ADCY5: variants seen among roughly 807,000 people sequenced by gnomAD.
The protein encoded by ADCY5 is adenylate cyclase 5, also known as adenylate cyclase type 5.
Under a neutral mutation model 119.7 loss-of-function variants are expected in ADCY5, and 30 were observed. The ratio of observed to expected loss-of-function variants is 0.25; its 90% CI spans 0.19 to 0.34. The LOEUF is 0.34. ADCY5 is among the 10% of genes least tolerant of loss of function. The probability of loss-of-function intolerance (pLI) is 1.00; values close to 1 mark genes in which losing one functional copy is unlikely to be tolerated. For missense variants in ADCY5, 1,324 were observed against 1,775.2 expected (o/e 0.75, Z 4.57); for synonymous variants, 753 against 762.2 (o/e 0.99, Z 0.20).
At chr3:123,444,052 C>T (rs909757579) in intron 1 of ADCY5, among the ~76,000 whole-genome samples, 4 of 152,142 alleles carry the variant, frequency 2.6e-5, no homozygotes, top group Admixed American at 1.3e-4. Context: ...TGTGTGAGTG[C>T]GTGCAGAAGC....
At position 123,352,351 on chromosome 3, in the gene ADCY5, C is replaced by T. The variant is rs1486601932; in HGVS notation, c.1284+81G>A. On this transcript the variant is annotated intron_variant, in intron 2 of 20. Coordinates refer to ENST00000462833, the MANE Select transcript of ADCY5 (RefSeq NM_183357.3). This position sits in a 1 kb window ranked among gnomAD's most constrained non-coding sequence, Gnocchi z 4.8. ...GCTGGCAGCCGTAATAAGCACTGCC[C>T]GCCCTAGGCCAGGCACTCAGCTGAG... 41 of 1,474,808 alleles carry T rather than the reference C, an allele frequency of 2.8e-5. No homozygotes were observed. The highest frequency in any genetic ancestry group is 8.1e-5 in the Admixed American group (4 of 49,658). 91.4% of individuals were successfully genotyped at this position (1,474,808 alleles called of 1,614,324 possible). A position where few individuals can be genotyped will look rare whatever the true frequency, so the allele number is the denominator to read the frequency against.
intron 17 of ADCY5, 96 bp from the exon 18 acceptor site, chr3:123,291,472 C>T (rs1939145607): frequency 6.8e-7 from 1 of 1,472,114 alleles, no homozygotes; most frequent in Non-Finnish European, 9.2e-7. Context: ...GAAAAAGCAC[C>T]AGTCACGCAA....
rs1022810122 is a variant in ADCY5, at chr3:123,448,619, C to G, written c.-74G>C. 4 of 1,243,584 alleles carry G rather than the reference C, an allele frequency of 3.2e-6. No individual in the cohort carries two copies. The highest frequency in any genetic ancestry group is 4.0e-6 in the Non-Finnish European group (4 of 990,760). The allele number at this position is 1,243,584 out of a possible 1,614,324, so 77.0% of individuals were successfully genotyped here. The stretch of plus-strand genomic sequence containing the variant: ...CGGGGGTCTCCAAGGGGAGGGCGGA[C>G]GGCCGAGCAGGGGGACCAGGCTAGG... On this transcript the variant is annotated 5_prime_UTR_variant, in exon 1 of 21. Transcript: ENST00000462833.
intron 14 of ADCY5, 74 bp downstream of exon 14, chr3:123,302,981 G>T: frequency 6.5e-7 from 1 of 1,544,820 alleles, no homozygotes; most frequent in South Asian, 1.2e-5. Context: ...AGACTGTCCT[G>T]AGCAGCTGCA....
chr3:123,377,513 C>G (rs1427600523), intron 1 of ADCY5, among the ~76,000 whole-genome samples: 1 of 152,262 alleles, frequency 6.6e-6, no homozygotes, highest in East Asian at 1.9e-4. Flanking sequence ...ACACCTCCCT[C>G]CCTCTGAGTG....
intron 3 of ADCY5, among the ~76,000 whole-genome samples, chr3:123,334,098 C>T (rs541861670): frequency 5.3e-5 from 8 of 151,998 alleles, no homozygotes; most frequent in African/African-American, 1.9e-4. Flanking sequence ...CTGTAAGGGC[C>T]CCTGAATTTA....
chr3:123,370,756 G>A (rs1559843366), intron 1 of ADCY5, among the ~76,000 whole-genome samples: 1 of 152,132 alleles, frequency 6.6e-6, no homozygotes, highest in African/African-American at 2.4e-5. Flanking sequence ...AAACAGCAGA[G>A]GTTTCTAGGT....
chr3:123,430,802 T>G (rs1457223425), intron 1 of ADCY5, among the ~76,000 whole-genome samples: 5 of 152,138 alleles, frequency 3.3e-5, no homozygotes, highest in Non-Finnish European at 5.9e-5. Flanking sequence ...CTTGCCAACC[T>G]TTTCAGTCCT....
At chr3:123,403,267 C>G (rs1944821196) in intron 1 of ADCY5, among the ~76,000 whole-genome samples, 1 of 151,806 alleles carries the variant, frequency 6.6e-6, no homozygotes, top group South Asian at 2.1e-4. Flanking sequence ...GTGGTCTCAG[C>G]TACCTAGGAG....
intron 19 of ADCY5, among the ~76,000 whole-genome samples, chr3:123,287,673 C>T (rs1252040681): frequency 1.3e-5 from 2 of 152,194 alleles, no homozygotes; most frequent in African/African-American, 2.4e-5. Flanking sequence ...CACGACCCTC[C>T]TCATCAGTCC....
At chr3:123,322,098 G>C (rs937314596) in intron 8 of ADCY5, among the ~76,000 whole-genome samples, 2 of 152,188 alleles carry the variant, frequency 1.3e-5, no homozygotes, top group African/African-American at 2.4e-5. Flanking sequence ...TCTCCCTCTG[G>C]GGGGCAGGCC....
Position 123,447,606 on chromosome 3 carries a change from C to A in ADCY5, c.940G>T (p.Val314Leu). Residue 314 changes from valine to leucine, a missense_variant, in exon 1 of 21, where the codon GTG (valine) becomes TTG (leucine). Physicochemically the swap from Val to Leu is conservative, Grantham distance 32 (BLOSUM62 1). This residue lies in a region of ADCY5 where 585 missense variants were observed against 569.9 expected (regional missense o/e 1.03). Transcript: ENST00000462833. The part of the protein sequence containing the change: ...ALIAVVLAVQ[V>L]VGLLLPQPRS... ...GGCTGCGGCAGCAGCAGGCCCACCA[C>A]CTGGACGGCCAGCACCACGGCGATG... 6.2e-7 allele frequency: 1 copy of A among 1,607,630 alleles called. No individual in the cohort carries two copies.
intron 1 of ADCY5, among the ~76,000 whole-genome samples, chr3:123,367,111 C>T (rs917646125): frequency 1.3e-5 from 2 of 152,206 alleles, no homozygotes; most frequent in Non-Finnish European, 2.9e-5. Context: ...CAAAAGTCCC[C>T]CATCCAACCG....
chr3:123,393,388 TA>T (rs201778911), intron 1 of ADCY5, among the ~76,000 whole-genome samples: 1 of 150,544 alleles, frequency 6.6e-6, no homozygotes, highest in African/African-American at 2.4e-5. Flanking sequence ...TCTGATTCCA[TA>T]AAAAAAAATT....
At chr3:123,308,028 C>CTTTTTTTTTT (rs1178147327) in intron 12 of ADCY5, among the ~76,000 whole-genome samples, 4 of 85,662 alleles carry the variant, frequency 4.7e-5, no homozygotes, top group Non-Finnish European at 6.3e-5. Flanking sequence ...TTTTCATGCT[C>CTTTTTTTTTT]TTTTTTTTTT....
intron 1 of ADCY5, among the ~76,000 whole-genome samples, chr3:123,426,862 G>C (rs2107643174): frequency 6.6e-6 from 1 of 152,176 alleles, no homozygotes; most frequent in Non-Finnish European, 1.5e-5. Flanking sequence ...GGGAGGAGAA[G>C]CTAGGAGGTT....
intron 1 of ADCY5, among the ~76,000 whole-genome samples, chr3:123,399,403 A>G (rs1161481602): frequency 1.3e-5 from 2 of 152,202 alleles, no homozygotes; most frequent in African/African-American, 4.8e-5. Context: ...CATCTATTTT[A>G]TGTTAAAATG....
Position 123,319,749 on chromosome 3 carries a change from C to T in ADCY5, c.2181G>A (p.Arg727=). The change falls in exon 10 of 21, where the codon AGG becomes AGA. Residue 727 remains arginine, a synonymous_variant. Transcript: ENST00000462833. ...DEFLGRAIDA[R]SIDRLRSEHV... is the part of the protein sequence containing the mutation. ...GCTCAGACCGAAGCCTATCAATGCT[C>T]CTGGCGTCAATGGCACGGCCCAGAA... 6.2e-7 allele frequency: 1 copy of T among 1,614,232 alleles called. No individual in the cohort carries two copies. The highest frequency in any genetic ancestry group is 8.5e-7 in the Non-Finnish European group (1 of 1,180,038).
At chr3:123,379,618 G>C (rs1219757908) in intron 1 of ADCY5, among the ~76,000 whole-genome samples, 2 of 152,030 alleles carry the variant, frequency 1.3e-5, no homozygotes, top group African/African-American at 4.8e-5. Flanking sequence ...GTGGAGAAGG[G>C]GGTGGGTGAG....
Sources: gnomAD v4.1 joint callset for allele counts (sites outside exome capture counted in the v4.1 genomes callset) on GRCh38, gnomAD v4.1.1 for gene constraint, gnomAD v4.1.1 regional missense constraint, Gnocchi (gnomAD v3.1) non-coding constraint, MANE v1.5 for transcripts, NCBI Gene and HGNC (gene_info 2026-07-23, HGNC 2026-07-21) for gene names.